RANBP2: variants seen among roughly 807,000 people sequenced by gnomAD.
The protein encoded by RANBP2 is E3 SUMO-protein ligase RanBP2.
A neutral mutation model predicts 303.6 loss-of-function variants in RANBP2; 57 were observed. The observed-to-expected ratio is 0.19, with a 90% CI of 0.15 to 0.23. The LOEUF is 0.23. Ranked by LOEUF, RANBP2 falls within the 10% of genes least tolerant of loss-of-function variation. The pLI, the probability that RANBP2 is intolerant of heterozygous loss-of-function variation, is 1.00. For synonymous variants in RANBP2, 1,167 were observed against 1,301.5 expected (o/e 0.90, Z 2.23); for missense variants, 3,138 against 3,780.8 (o/e 0.83, Z 4.46).
the RANBP2 span, among the ~76,000 whole-genome samples, chr2:109,539,575 C>T: frequency 6.6e-6 from 1 of 152,034 alleles, no homozygotes; most frequent in Non-Finnish European, 1.5e-5. Flanking sequence ...TCCCAGGTAG[C>T]TGAGGCTACA....
chr2:109,742,867 T>C, the RANBP2 span, among the ~76,000 whole-genome samples: 4 of 148,524 alleles, frequency 2.7e-5, no homozygotes, highest in Non-Finnish European at 4.4e-5. Flanking sequence ...TGGAATAGAA[T>C]TGAAAGCCCA....
At chr2:108,741,244 T>A (rs1287408781) in intron 7 of RANBP2, among the ~76,000 whole-genome samples, 2 of 152,204 alleles carry the variant, frequency 1.3e-5, no homozygotes, top group Non-Finnish European at 2.9e-5. Flanking sequence ...GTCACCAGGC[T>A]GGAGTGCAGT....
At chr2:109,395,676 T>G in the RANBP2 span, among the ~76,000 whole-genome samples, 45 of 152,320 alleles carry the variant, frequency 3.0e-4, 1 homozygote, top group African/African-American at 1.0e-3. Flanking sequence ...CAGTCACTTG[T>G]GAGCAGCCTC....
At chr2:109,647,005 G>T in the RANBP2 span, among the ~76,000 whole-genome samples, 1 of 151,916 alleles carries the variant, frequency 6.6e-6, no homozygotes, top group East Asian at 1.9e-4. Flanking sequence ...TTTTAAAATC[G>T]TGGAAGAAAT....
At chr2:108,906,994 G>A in the RANBP2 span, among the ~76,000 whole-genome samples, 12 of 152,198 alleles carry the variant, frequency 7.9e-5, no homozygotes, top group Non-Finnish European at 1.0e-4. Flanking sequence ...GCTGTCCTGC[G>A]GCTGGGGCCT....
At chr2:108,838,811 C>T in the RANBP2 span, among the ~76,000 whole-genome samples, 1 of 151,988 alleles carries the variant, frequency 6.6e-6, no homozygotes. Flanking sequence ...ATTCCATTTG[C>T]TTCCTTGTAA....
chr2:108,747,602 C>T lies in RANBP2; in HGVS notation c.1063+804C>T, dbSNP rs56016721. Reference sequence around the variant, plus strand: ...TTTTTCCTTTTCTCTTTTCCTTCTACCCTTGCAGGGCTCTCATAAGTGCCT... The same window carrying T: ...TTTTTCCTTTTCTCTTTTCCTTCTATCCTTGCAGGGCTCTCATAAGTGCCT... On this transcript the variant is annotated intron_variant, in intron 8 of 28. Transcript: ENST00000283195. 9.3e-3 allele frequency among the ~76,000 whole-genome samples: 1,411 copies of T among 152,114 alleles called. 14 individuals carry two copies. Among genetic ancestry groups the T allele is most frequent in the Non-Finnish European group, 0.016 (1,116 of 67,984 alleles).
At chr2:109,415,793 C>T in the RANBP2 span, among the ~76,000 whole-genome samples, 1 of 152,192 alleles carries the variant, frequency 6.6e-6, no homozygotes, top group Non-Finnish European at 1.5e-5. Context: ...CCACCACCCA[C>T]CCTCACCACC....
At chr2:108,841,473 G>A in the RANBP2 span, among the ~76,000 whole-genome samples, 2 of 151,986 alleles carry the variant, frequency 1.3e-5, no homozygotes, top group African/African-American at 4.8e-5. Flanking sequence ...TGGTGGATTT[G>A]CCCTTTTTAT....
chr2:109,029,509 T>A, the RANBP2 span, among the ~76,000 whole-genome samples: 1 of 152,220 alleles, frequency 6.6e-6, no homozygotes, highest in East Asian at 1.9e-4. Flanking sequence ...TCAGTGTGTG[T>A]CTGTCCGTTT....
chr2:109,343,471 T>A, the RANBP2 span, among the ~76,000 whole-genome samples: 1 of 152,150 alleles, frequency 6.6e-6, no homozygotes, highest in Admixed American at 6.5e-5. Context: ...GAGATGGGGA[T>A]ACAGGGGGCT....
At chr2:109,358,032 C>A in the RANBP2 span, among the ~76,000 whole-genome samples, 107 of 152,290 alleles carry the variant, frequency 7.0e-4, 1 homozygote, top group East Asian at 0.018. Context: ...CCTGAAAATC[C>A]TCTGACCTGT....
At chr2:108,984,308 G>A in the RANBP2 span, among the ~76,000 whole-genome samples, 3 of 152,158 alleles carry the variant, frequency 2.0e-5, no homozygotes, top group Non-Finnish European at 2.9e-5. Flanking sequence ...CGTGGCATGG[G>A]ATGGGGTGGT....
the RANBP2 span, among the ~76,000 whole-genome samples, chr2:109,444,842 A>G: frequency 6.6e-6 from 1 of 152,198 alleles, no homozygotes. Context: ...AACTCAAGAG[A>G]TAGGAGGAAA....
the RANBP2 span, among the ~76,000 whole-genome samples, chr2:109,681,146 G>A: frequency 2.6e-5 from 4 of 152,164 alleles, no homozygotes; most frequent in Non-Finnish European, 5.9e-5. Flanking sequence ...ATGAACACAC[G>A]GTTAGGTGGG....
chr2:108,869,364 C>T, the RANBP2 span, among the ~76,000 whole-genome samples: 3 of 152,308 alleles, frequency 2.0e-5, no homozygotes, highest in African/African-American at 7.2e-5. Context: ...TCTCCATTCC[C>T]TTCCTCAGGA....
chr2:109,705,552 C>A, the RANBP2 span, among the ~76,000 whole-genome samples: 63 of 152,344 alleles, frequency 4.1e-4, 1 homozygote, highest in East Asian at 0.012. Flanking sequence ...AAAGCTTGCT[C>A]TGGCTCAGTC....
At chr2:109,131,692 C>G in the RANBP2 span, among the ~76,000 whole-genome samples, 4 of 152,136 alleles carry the variant, frequency 2.6e-5, no homozygotes, top group African/African-American at 9.7e-5. Context: ...CCTTTTAGAA[C>G]TTGTCAAAGG....
the RANBP2 span, among the ~76,000 whole-genome samples, chr2:109,275,878 C>T: frequency 2.6e-5 from 4 of 152,240 alleles, no homozygotes; most frequent in African/African-American, 9.6e-5. Context: ...TTTTTGAGTC[C>T]ACTCTAGGTT....
Sources: allele counts gnomAD v4.1 joint callset (sites outside exome capture counted in the v4.1 genomes callset), GRCh38; gene constraint gnomAD v4.1.1; transcripts MANE v1.5; gene names NCBI Gene and HGNC (gene_info 2026-07-23, HGNC 2026-07-21).